Variants in C16orf78 observed in about 807,000 individuals in gnomAD.
The protein encoded by C16orf78 is chromosome 16 open reading frame 78.
In C16orf78, 19 loss-of-function variants were observed where a neutral mutation model predicts 27.3. The ratio of observed to expected loss-of-function variants is 0.70; its 90% CI spans 0.49 to 1.02. The LOEUF is 1.02. C16orf78 is among the 50% of genes least tolerant of loss of function. C16orf78 has a pLI of 0.00. For missense variants in C16orf78, 339 were observed against 337.0 expected, an observed-to-expected ratio of 1.01 and a Z score of -0.05; for synonymous variants, 130 against 116.1, an observed-to-expected ratio of 1.12 and a Z score of -0.77.
chr16:49,378,077 A>G (rs1410336912), intron 2 of C16orf78, among the ~76,000 whole-genome samples: 1 of 152,134 alleles, frequency 6.6e-6, no homozygotes, highest in East Asian at 1.9e-4. Context: ...CACGTGTCAC[A>G]TCCTCCCTTG....
chr16:49,396,944 C>G (rs568793720), intron 4 of C16orf78, among the ~76,000 whole-genome samples: 36 of 152,330 alleles, frequency 2.4e-4, no homozygotes, highest in African/African-American at 7.7e-4. Context: ...CAACAACCCT[C>G]CCAATATTTC....
intron 3 of C16orf78, among the ~76,000 whole-genome samples, chr16:49,387,710 G>A (rs758849296): frequency 2.0e-5 from 3 of 152,108 alleles, no homozygotes; most frequent in Admixed American, 6.6e-5. Context: ...TAGTTGGTAG[G>A]TTAATTACTG....
At chr16:49,378,817 A>G (rs908254512) in intron 3 of C16orf78, among the ~76,000 whole-genome samples, 6 of 152,198 alleles carry the variant, frequency 3.9e-5, no homozygotes, top group African/African-American at 1.4e-4. Flanking sequence ...GTGTCTGTCA[A>G]GGCCCTGCCC....
chr16:49,393,971 G>A (rs1006547053), intron 3 of C16orf78, among the ~76,000 whole-genome samples: 7 of 151,910 alleles, frequency 4.6e-5, no homozygotes, highest in Admixed American at 1.3e-4. Flanking sequence ...AAACCTAAAG[G>A]AAATGGATGA....
chr16:49,396,387 C>T (rs377306449), intron 3 of C16orf78, 36 bp from the exon 4 acceptor site: 148 of 1,607,486 alleles, frequency 9.2e-5, no homozygotes, highest in African/African-American at 1.3e-4. Flanking sequence ...ACGTCTCCCA[C>T]GGTCTAACTC....
chr16:49,376,099 G>A (rs534280198), intron 1 of C16orf78, among the ~76,000 whole-genome samples: 1 of 152,304 alleles, frequency 6.6e-6, no homozygotes, highest in East Asian at 1.9e-4. Flanking sequence ...TGTGCTGGCA[G>A]GTCTCCGACA....
intron 3 of C16orf78, among the ~76,000 whole-genome samples, chr16:49,388,814 T>C (rs1476391248): frequency 6.6e-6 from 1 of 152,136 alleles, no homozygotes; most frequent in East Asian, 1.9e-4. Context: ...CCCAGCAAAA[T>C]TGTATGGTTT....
chr16:49,396,563 A>G lies in C16orf78; in HGVS notation c.535A>G (p.Asn179Asp). Residue 179 changes from asparagine (N) to aspartate (D), a missense_variant, in exon 4 of 5, where the codon AAC becomes GAC. Coordinates refer to ENST00000299191, the MANE Select transcript of C16orf78 (RefSeq NM_144602.4). ...GGCAACCTTCATAAGAGACTGGTCC[A>G]ACAAGATGCCTGACATGGCTTACGA... ...QRATFIRDWS[N>D]KMPDMAYERK... is the part of the protein sequence containing the mutation. 1 of 1,614,230 alleles carries G rather than the reference A, an allele frequency of 6.2e-7. No individual in the cohort carries two copies. Among genetic ancestry groups the G allele is most frequent in the Non-Finnish European group, 8.5e-7 (1 of 1,180,034 alleles).
intron 1 of C16orf78, 68 bp from the exon 2 acceptor site, chr16:49,377,663 T>C (rs981219627): frequency 5.1e-6 from 8 of 1,553,632 alleles, no homozygotes; most frequent in African/African-American, 1.4e-5. Flanking sequence ...AGCCTTCTCC[T>C]TGGGGAAAGG....
At chr16:49,376,363 A>G (rs1225634808) in intron 1 of C16orf78, among the ~76,000 whole-genome samples, 1 of 152,222 alleles carries the variant, frequency 6.6e-6, no homozygotes, top group African/African-American at 2.4e-5. Flanking sequence ...AAGCATCGCC[A>G]TGTCAATTCC....
chr16:49,381,242 A>C (rs1965282990), intron 3 of C16orf78, among the ~76,000 whole-genome samples: 1 of 152,146 alleles, frequency 6.6e-6, no homozygotes, highest in Non-Finnish European at 1.5e-5. Flanking sequence ...CATTTTCACA[A>C]TATTGATTCT....
At chr16:49,379,176 G>A (rs1436578020) in intron 3 of C16orf78, among the ~76,000 whole-genome samples, 1 of 152,118 alleles carries the variant, frequency 6.6e-6, no homozygotes, top group Non-Finnish European at 1.5e-5. Flanking sequence ...AACAATACCT[G>A]CCTCATAGTA....
At chr16:49,390,432 A>T (rs1310705629) in intron 3 of C16orf78, among the ~76,000 whole-genome samples, 1 of 151,820 alleles carries the variant, frequency 6.6e-6, no homozygotes, top group African/African-American at 2.4e-5. Flanking sequence ...TTTGTGTTTC[A>T]TCTCATATAG....
chr16:49,394,111 G>A (rs898957765), intron 3 of C16orf78, among the ~76,000 whole-genome samples: 1 of 151,890 alleles, frequency 6.6e-6, no homozygotes, highest in East Asian at 1.9e-4. Context: ...TAAGACAAAT[G>A]GTTTCATGCA....
At chr16:49,382,765 G>C (rs1035018163) in intron 3 of C16orf78, among the ~76,000 whole-genome samples, 1 of 152,064 alleles carries the variant, frequency 6.6e-6, no homozygotes, top group African/African-American at 2.4e-5. Flanking sequence ...CCGAGTCCTG[G>C]TACTGCTCAG....
chr16:49,379,014 G>A (rs894426209), intron 3 of C16orf78, among the ~76,000 whole-genome samples: 3 of 152,280 alleles, frequency 2.0e-5, no homozygotes, highest in Admixed American at 2.0e-4. Context: ...TCTAGGAAGG[G>A]ATGAGCTTAG....
At chr16:49,398,817 C>A (rs1965506411) in intron 4 of C16orf78, among the ~76,000 whole-genome samples, 1 of 152,188 alleles carries the variant, frequency 6.6e-6, no homozygotes, top group South Asian at 2.1e-4. Flanking sequence ...ATTTATATAG[C>A]TTTTCTTTCC....
intron 4 of C16orf78, among the ~76,000 whole-genome samples, chr16:49,398,065 G>A (rs1395394508): frequency 2.0e-5 from 3 of 152,214 alleles, no homozygotes; most frequent in African/African-American, 4.8e-5. Flanking sequence ...GCACTTGGAT[G>A]AGACCGTAAT....
intron 3 of C16orf78, among the ~76,000 whole-genome samples, chr16:49,389,628 T>C (rs1965389620): frequency 6.6e-6 from 1 of 152,144 alleles, no homozygotes; most frequent in South Asian, 2.1e-4. Flanking sequence ...AGTGATTCTG[T>C]TACAGTGTGT....
Sources: allele counts gnomAD v4.1 joint callset (sites outside exome capture counted in the v4.1 genomes callset), GRCh38; gene constraint gnomAD v4.1.1; transcripts MANE v1.5; gene names NCBI Gene and HGNC (gene_info 2026-07-23, HGNC 2026-07-21).